The following LRRC8D variants were observed in gnomAD, a reference collection of about 807,000 sequenced individuals.
LRRC8D encodes the protein volume-regulated anion channel subunit LRRC8D.
Under a neutral mutation model 55.8 loss-of-function variants are expected in LRRC8D, and 20 were observed. The observed-to-expected ratio is 0.36, with a 90% CI of 0.25 to 0.52. The LOEUF (loss-of-function observed/expected upper bound fraction) is 0.52, where lower values mean the gene tolerates loss of function less well. LRRC8D is among the 20% of genes least tolerant of loss of function. The pLI, the probability that LRRC8D is intolerant of heterozygous loss-of-function variation, is 0.93. For synonymous variants in LRRC8D, 352 were observed against 377.0 expected, an observed-to-expected ratio of 0.93 and a Z score of 0.77; for missense variants, 651 against 1,030.8, an observed-to-expected ratio of 0.63 and a Z score of 5.05.
chr1:89,847,422 G>T (rs1333081418), intron 2 of LRRC8D, among the ~76,000 whole-genome samples: 2 of 152,156 alleles, frequency 1.3e-5, no homozygotes, highest in Non-Finnish European at 2.9e-5. Context: ...GGAATGAAAT[G>T]ATACATGTAT....
Position 89,866,355 on chromosome 1 carries a change from C to G in LRRC8D, c.-3+22573C>G, listed in dbSNP as rs558924412. Among the ~76,000 whole-genome samples, 7 of 152,244 alleles carry G rather than the reference C, an allele frequency of 4.6e-5. No homozygotes were observed. The East Asian group carries it at 1.2e-3, about 25-fold the overall frequency. The stretch of plus-strand genomic sequence containing the variant: ...AAATACACACTTGGGCATGGTATTG[C>G]TAAGGGGGTCATTCGGATGGTCCAG... On this transcript the variant is annotated intron_variant, in intron 2 of 2. Transcript: ENST00000337338.
At chr1:89,865,469 G>T (rs1307212963) in intron 2 of LRRC8D, among the ~76,000 whole-genome samples, 1 of 150,774 alleles carries the variant, frequency 6.6e-6, no homozygotes, top group African/African-American at 2.4e-5. Context: ...ATGCTTTTTT[G>T]CCAACACTAA....
chr1:89,928,367 G>A (rs566472125), intron 2 of LRRC8D, among the ~76,000 whole-genome samples: 15 of 152,190 alleles, frequency 9.9e-5, no homozygotes, highest in East Asian at 3.9e-4. Context: ...CACCATGCCC[G>A]GCCTACAAAC....
chr1:89,836,768 A>G (rs537914778), intron 1 of LRRC8D, among the ~76,000 whole-genome samples: 1 of 152,326 alleles, frequency 6.6e-6, no homozygotes, highest in South Asian at 2.1e-4. Context: ...GGGGACACAA[A>G]AATGAAACTG....
At chr1:89,826,603 T>C (rs1301357591) in intron 1 of LRRC8D, among the ~76,000 whole-genome samples, 1 of 152,198 alleles carries the variant, frequency 6.6e-6, no homozygotes, top group African/African-American at 2.4e-5. Flanking sequence ...GTGATGTGCT[T>C]AGCGTAAGTT....
At chr1:89,848,460 GTC>G (rs1220961027) in intron 2 of LRRC8D, among the ~76,000 whole-genome samples, 2 of 152,128 alleles carry the variant, frequency 1.3e-5, no homozygotes, top group African/African-American at 4.8e-5. Flanking sequence ...TATTGAATTA[GTC>G]TCTCTGATTT....
intron 2 of LRRC8D, among the ~76,000 whole-genome samples, chr1:89,910,336 C>A (rs1361709517): frequency 6.6e-6 from 1 of 152,168 alleles, no homozygotes; most frequent in East Asian, 1.9e-4. Context: ...TTGTTTGTCT[C>A]ATAGTAGTTT....
chr1:89,912,869 C>A (rs1570884389), intron 2 of LRRC8D, among the ~76,000 whole-genome samples: 1 of 152,210 alleles, frequency 6.6e-6, no homozygotes, highest in Non-Finnish European at 1.5e-5. Context: ...AAATCTATTT[C>A]TAGATGCTTT....
At chr1:89,915,781 G>C (rs769199701) in intron 2 of LRRC8D, among the ~76,000 whole-genome samples, 1 of 152,180 alleles carries the variant, frequency 6.6e-6, no homozygotes, top group Non-Finnish European at 1.5e-5. Context: ...CTTGACATTT[G>C]AGTATGCAAA....
chr1:89,834,495 A>G (rs1018937511), intron 1 of LRRC8D, among the ~76,000 whole-genome samples: 2 of 152,248 alleles, frequency 1.3e-5, no homozygotes, highest in African/African-American at 4.8e-5. Context: ...ATACAGTGCT[A>G]ATAACTAGCA....
chr1:89,845,656 C>G (rs1168247121), intron 2 of LRRC8D, among the ~76,000 whole-genome samples: 1 of 152,060 alleles, frequency 6.6e-6, no homozygotes, highest in Admixed American at 6.6e-5. Context: ...AGGCTGGTCT[C>G]GAACTCCTAA....
chr1:89,934,627 T>C lies in LRRC8D; in HGVS notation c.1559T>C (p.Leu520Pro), dbSNP rs775238159. ...SQMTNLQELH[L>P]CHCPAKVEQT... ...ATGACTAACCTCCAAGAGCTCCACC[T>C]CTGCCACTGCCCTGCAAAAGTTGAA... The change falls in exon 3 of 3, where the codon CTC becomes CCC. Residue 520 changes from leucine to proline, a missense_variant. Around this residue, in one of 5 missense-constraint regions of LRRC8D, gnomAD observed 338 missense variants for 479.4 expected, o/e 0.71. Transcript: ENST00000337338. The surrounding 1 kb of genome is among the most constrained non-coding windows in gnomAD (Gnocchi z 5.9). 1 of 1,614,220 alleles carries C rather than the reference T, an allele frequency of 6.2e-7. No homozygotes were observed. Among genetic ancestry groups the C allele is most frequent in the Non-Finnish European group, 8.5e-7 (1 of 1,180,042 alleles).
At chr1:89,854,381 A>AT (rs11379936) in intron 2 of LRRC8D, among the ~76,000 whole-genome samples, 85,220 of 149,630 alleles carry the variant, frequency 0.57, 25,840 homozygotes, top group East Asian at 0.78. Flanking sequence ...CTGACGGAGG[A>AT]TTTTTTTTTT....
chr1:89,887,203 T>C (rs1029870057), intron 2 of LRRC8D, among the ~76,000 whole-genome samples: 3 of 152,240 alleles, frequency 2.0e-5, no homozygotes, highest in African/African-American at 7.2e-5. Context: ...TTAATACTTA[T>C]GAAGTCCTTT....
chr1:89,846,971 C>T (rs904651261), intron 2 of LRRC8D, among the ~76,000 whole-genome samples: 1 of 152,168 alleles, frequency 6.6e-6, no homozygotes, highest in Admixed American at 6.5e-5. Flanking sequence ...CCCACTACTG[C>T]TGCCACTGTG....
intron 2 of LRRC8D, among the ~76,000 whole-genome samples, chr1:89,893,022 A>T (rs1278668784): frequency 6.6e-6 from 1 of 152,232 alleles, no homozygotes; most frequent in Non-Finnish European, 1.5e-5. Context: ...TATGACAGGT[A>T]CTGTCCTAGG....
At chr1:89,829,429 G>T (rs1040456190) in intron 1 of LRRC8D, among the ~76,000 whole-genome samples, 1 of 152,202 alleles carries the variant, frequency 6.6e-6, no homozygotes, top group African/African-American at 2.4e-5. Flanking sequence ...TCACATAGAA[G>T]TGGCGGAGGT....
chr1:89,841,550 C>T (rs1661134834), intron 1 of LRRC8D, among the ~76,000 whole-genome samples: 1 of 152,152 alleles, frequency 6.6e-6, no homozygotes, highest in Non-Finnish European at 1.5e-5. Flanking sequence ...CAACTTGAAG[C>T]CATGTGTGTT....
intron 2 of LRRC8D, among the ~76,000 whole-genome samples, chr1:89,906,056 G>A (rs1662983091): frequency 1.3e-5 from 2 of 152,216 alleles, no homozygotes; most frequent in Admixed American, 6.5e-5. Flanking sequence ...AGCTAAGGCT[G>A]TAAATGCAAG....
Sources: gnomAD v4.1 joint callset for allele counts (sites outside exome capture counted in the v4.1 genomes callset) on GRCh38, gnomAD v4.1.1 for gene constraint, gnomAD v4.1.1 regional missense constraint, Gnocchi (gnomAD v3.1) non-coding constraint, MANE v1.5 for transcripts, NCBI Gene and HGNC (gene_info 2026-07-23, HGNC 2026-07-21) for gene names.